CERS3: variants seen among roughly 807,000 people sequenced by gnomAD.
CERS3 encodes ceramide synthase 3.
CERS3 carries 33 observed loss-of-function variants against 50.3 expected under a neutral mutation model. That is an observed-to-expected ratio of 0.66 (90% CI 0.50 to 0.88). The LOEUF (loss-of-function observed/expected upper bound fraction) is 0.88, where lower values mean the gene tolerates loss of function less well. Among genes scored for constraint, CERS3 ranks in the 40% least tolerant of loss-of-function variants. The pLI, the probability that CERS3 is intolerant of heterozygous loss-of-function variation, is 0.00. For synonymous variants in CERS3, 176 were observed against 155.2 expected, an observed-to-expected ratio of 1.13 and a Z score of -0.99; for missense variants, 470 against 460.3, an observed-to-expected ratio of 1.02 and a Z score of -0.19.
chr15:100,436,275 T>C (rs1596655742), intron 11 of CERS3, among the ~76,000 whole-genome samples: 1 of 152,190 alleles, frequency 6.6e-6, no homozygotes, highest in Non-Finnish European at 1.5e-5. Flanking sequence ...ATATACACCA[T>C]GGAATACTAT....
chr15:100,422,993 G>GAGTT (rs1248182123), intron 11 of CERS3, among the ~76,000 whole-genome samples: 1 of 150,660 alleles, frequency 6.6e-6, no homozygotes, highest in Non-Finnish European at 1.5e-5. Flanking sequence ...GCTAGATGAC[G>GAGTT]AGTTAGTGGG....
intron 11 of CERS3, among the ~76,000 whole-genome samples, chr15:100,434,733 G>A (rs188624294): frequency 2.6e-5 from 4 of 152,294 alleles, no homozygotes; most frequent in Admixed American, 6.5e-5. Context: ...ATATCCTGCT[G>A]TGAATGTGCA....
chr15:100,434,256 G>C (rs970314021), intron 11 of CERS3, among the ~76,000 whole-genome samples: 1 of 152,224 alleles, frequency 6.6e-6, no homozygotes, highest in African/African-American at 2.4e-5. Context: ...CATTGGCCAT[G>C]GATCCACGCG....
intron 4 of CERS3, among the ~76,000 whole-genome samples, chr15:100,486,288 G>A (rs1356493677): frequency 1.3e-5 from 2 of 152,194 alleles, no homozygotes; most frequent in Non-Finnish European, 2.9e-5. Flanking sequence ...AAAGAACACT[G>A]CAGTGTCAAA....
chr15:100,408,506 T>C (rs537718606), intron 11 of CERS3: 1 of 152,294 alleles, frequency 6.6e-6, no homozygotes, highest in Non-Finnish European at 1.5e-5. Flanking sequence ...GTTGTGGAAT[T>C]ATGTTGTTTT....
At chr15:100,514,371 C>T (rs901021614) in intron 2 of CERS3, among the ~76,000 whole-genome samples, 2 of 152,060 alleles carry the variant, frequency 1.3e-5, no homozygotes, top group East Asian at 1.9e-4. Context: ...GTGCTAACTA[C>T]GATATAGTAA....
chr15:100,523,369 T>A (rs2036692982), intron 1 of CERS3, among the ~76,000 whole-genome samples: 1 of 152,158 alleles, frequency 6.6e-6, no homozygotes, highest in Admixed American at 6.5e-5. Context: ...CATAACCAAT[T>A]TACAGATCTT....
intron 5 of CERS3, 54 bp downstream of exon 5, chr15:100,484,496 A>G: frequency 1.6e-6 from 2 of 1,213,370 alleles, no homozygotes; most frequent in South Asian, 1.2e-5. Flanking sequence ...TGCAAGGACC[A>G]CTCAGCTCCA....
At chr15:100,515,448 C>T (rs2036462980) in intron 2 of CERS3, among the ~76,000 whole-genome samples, 1 of 152,186 alleles carries the variant, frequency 6.6e-6, no homozygotes, top group Non-Finnish European at 1.5e-5. Flanking sequence ...CCCAAGGCCC[C>T]TTCACCTTAA....
At position 100,419,920 on chromosome 15, in the gene CERS3, C is replaced by T. The variant is rs914101124; in HGVS notation, c.1000-17055G>A. 3.9e-4 allele frequency among the ~76,000 whole-genome samples: 58 copies of T among 149,566 alleles called. No homozygotes were observed. In the East Asian group the frequency reaches 5.2e-3, roughly 14 times the overall value. On this transcript the variant is annotated intron_variant, in intron 11 of 11. Coordinates refer to ENST00000679737, the MANE Select transcript of CERS3 (RefSeq NM_001378789.1). The stretch of plus-strand genomic sequence containing the variant: ...ACACAACATACCAGAATCTCTGGGA[C>T]GCATTCAAAGCATGTGTAGAGGGAA...
At chr15:100,505,488 T>G (rs568550078) in intron 2 of CERS3, among the ~76,000 whole-genome samples, 12 of 152,338 alleles carry the variant, frequency 7.9e-5, no homozygotes, top group African/African-American at 2.9e-4. Context: ...TAGTCCAAAC[T>G]GAGAAAGACA....
At chr15:100,480,477 G>T (rs2035264545) in intron 5 of CERS3, among the ~76,000 whole-genome samples, 1 of 152,124 alleles carries the variant, frequency 6.6e-6, no homozygotes, top group Non-Finnish European at 1.5e-5. Context: ...CCAGTTAAAA[G>T]GTTTTTATGT....
intron 3 of CERS3, chr15:100,500,460 G>A (rs1397382019): frequency 6.6e-6 from 1 of 152,128 alleles, no homozygotes; most frequent in Non-Finnish European, 1.5e-5. Context: ...TCACAGTCCT[G>A]GCCAAACTGT....
chr15:100,463,326 T>C (rs2034610127), intron 10 of CERS3, among the ~76,000 whole-genome samples: 1 of 148,342 alleles, frequency 6.7e-6, no homozygotes, highest in Non-Finnish European at 1.5e-5. Flanking sequence ...TCCCAGCAAC[T>C]CAGGAGGCTG....
intron 3 of CERS3, among the ~76,000 whole-genome samples, chr15:100,495,700 T>C (rs1453215173): frequency 2.0e-5 from 3 of 152,226 alleles, no homozygotes; most frequent in Non-Finnish European, 2.9e-5. Flanking sequence ...AGATATATGT[T>C]TTACATATAA....
At chr15:100,532,727 C>T (rs1298184696), upstream of CERS3, among the ~76,000 whole-genome samples, 1 of 152,156 alleles carries the variant, frequency 6.6e-6, no homozygotes, top group Non-Finnish European at 1.5e-5. Flanking sequence ...CCAATACACT[C>T]CAGACTGGGC....
At position 100,479,474 on chromosome 15, in the gene CERS3, G is replaced by A; in HGVS notation, c.470C>T (p.Pro157Leu). The change falls in exon 7 of 12, where the codon CCT becomes CTT. Residue 157 changes from proline (P) to leucine (L), a missense_variant. Coordinates refer to ENST00000679737, the MANE Select transcript of CERS3 (RefSeq NM_001378789.1). ...VAGIAFLYDK[P>L]WLYDLWEVWN... ...AACCTCCCATAAGTCATATAGCCAA[G>A]GTTTCTGAAAGAAGAAAAAAAAAAA... 1 of 1,596,212 alleles carries A rather than the reference G, an allele frequency of 6.3e-7. No individual in the cohort carries two copies. The highest frequency in any genetic ancestry group is 8.5e-7 in the Non-Finnish European group (1 of 1,174,512).
intron 5 of CERS3, among the ~76,000 whole-genome samples, chr15:100,481,117 C>T (rs184482142): frequency 1.6e-4 from 24 of 152,194 alleles, no homozygotes; most frequent in Admixed American, 1.2e-3. Flanking sequence ...TAAGATAGGA[C>T]ATAGGAATGT....
Position 100,402,208 on chromosome 15 carries a change from T to C in CERS3, c.*505A>G, listed in dbSNP as rs1159990579. 6.5e-6 allele frequency: 1 copy of C among 154,596 alleles called. No individual in the cohort carries two copies. Among genetic ancestry groups the C allele is most frequent in the Non-Finnish European group, 1.4e-5 (1 of 69,730 alleles). 9.6% of individuals were successfully genotyped at this position (154,596 alleles called of 1,614,324 possible). ...GCAGGCAGGGACTGCCACCGCCCTG[T>C]GGAGATGAGGCACCTAAGCTTCAGG... is the stretch of plus-strand genomic sequence containing the variant. On this transcript the variant is annotated 3_prime_UTR_variant, in exon 12 of 12. Transcript: ENST00000679737.
Sources: gnomAD v4.1 joint callset for allele counts (sites outside exome capture counted in the v4.1 genomes callset) on GRCh38, gnomAD v4.1.1 for gene constraint, MANE v1.5 for transcripts, NCBI Gene and HGNC (gene_info 2026-07-23, HGNC 2026-07-21) for gene names.